Variants in BMPR2 observed in about 807,000 individuals in gnomAD.
BMPR2 encodes the protein bone morphogenetic protein receptor type 2.
A neutral mutation model predicts 100.8 loss-of-function variants in BMPR2; 29 were observed. The observed-to-expected ratio is 0.29, with a 90% CI of 0.21 to 0.39. BMPR2 has a LOEUF of 0.39. Ranked by LOEUF, BMPR2 falls within the 10% of genes least tolerant of loss-of-function variation. The pLI is 1.00. For missense variants in BMPR2, 1,011 were observed against 1,274.5 expected, an observed-to-expected ratio of 0.79 and a Z score of 3.15; for synonymous variants, 382 against 442.3, an observed-to-expected ratio of 0.86 and a Z score of 1.71.
At chr2:202,492,980 C>T (rs1477879326) in intron 3 of BMPR2, among the ~76,000 whole-genome samples, 1 of 152,104 alleles carries the variant, frequency 6.6e-6, no homozygotes, top group Admixed American at 6.6e-5. Flanking sequence ...GAAGATACAG[C>T]TTTCACTTTG....
chr2:202,388,125 G>A (rs1690467585), intron 1 of BMPR2, among the ~76,000 whole-genome samples: 2 of 151,862 alleles, frequency 1.3e-5, no homozygotes, highest in Non-Finnish European at 2.9e-5. Flanking sequence ...TGGCTGTCAC[G>A]GTGGCTCATG....
At chr2:202,463,605 C>T (rs1692263078) in intron 1 of BMPR2, among the ~76,000 whole-genome samples, 1 of 152,138 alleles carries the variant, frequency 6.6e-6, no homozygotes, top group Admixed American at 6.5e-5. Context: ...TAATCAAACA[C>T]ATTAGGAAAG....
intron 9 of BMPR2, among the ~76,000 whole-genome samples, chr2:202,536,886 A>C (rs913794377): frequency 2.6e-5 from 4 of 151,824 alleles, no homozygotes; most frequent in African/African-American, 4.8e-5. Flanking sequence ...AAAAAAAAAA[A>C]AAAAGAAGTA....
chr2:202,461,423 G>T (rs1318278523), intron 1 of BMPR2, among the ~76,000 whole-genome samples: 1 of 152,162 alleles, frequency 6.6e-6, no homozygotes, highest in African/African-American at 2.4e-5. Flanking sequence ...GACGGAGGTT[G>T]CAGTGAGTCG....
intron 7 of BMPR2, among the ~76,000 whole-genome samples, chr2:202,529,341 C>T: frequency 6.6e-6 from 1 of 152,194 alleles, no homozygotes; most frequent in East Asian, 1.9e-4. Flanking sequence ...ATGTTCCACC[C>T]TCCCTCCATA....
At chr2:202,538,077 G>A (rs777740169) in intron 9 of BMPR2, among the ~76,000 whole-genome samples, 6 of 152,052 alleles carry the variant, frequency 3.9e-5, no homozygotes, top group Non-Finnish European at 7.4e-5. Flanking sequence ...AGCCGAGATC[G>A]CGCCACTGCA....
intron 1 of BMPR2, among the ~76,000 whole-genome samples, chr2:202,397,687 A>G (rs1257152479): frequency 6.6e-6 from 1 of 151,512 alleles, no homozygotes; most frequent in African/African-American, 2.4e-5. Flanking sequence ...TTTTTTAGAG[A>G]CAGGGTCTCA....
intron 1 of BMPR2, among the ~76,000 whole-genome samples, chr2:202,450,546 C>A (rs1004451596): frequency 6.6e-6 from 1 of 151,974 alleles, no homozygotes; most frequent in East Asian, 1.9e-4. Context: ...ACAAAATTAG[C>A]CGGGCATGGT....
At chr2:202,450,488 T>A (rs1691956318) in intron 1 of BMPR2, among the ~76,000 whole-genome samples, 1 of 151,828 alleles carries the variant, frequency 6.6e-6, no homozygotes, top group South Asian at 2.1e-4. Flanking sequence ...GGTTGGGAGG[T>A]TGAGACCAGC....
intron 1 of BMPR2, among the ~76,000 whole-genome samples, chr2:202,421,255 AAAG>A (rs1691256194): frequency 6.6e-6 from 1 of 150,936 alleles, no homozygotes; most frequent in South Asian, 2.1e-4. Flanking sequence ...CATCTCAAAA[AAAG>A]GGAGAAATTA....
intron 3 of BMPR2, among the ~76,000 whole-genome samples, chr2:202,488,051 C>A (rs1465184638): frequency 1.3e-5 from 2 of 152,144 alleles, no homozygotes; most frequent in Non-Finnish European, 2.9e-5. Context: ...ATTAGTGCTC[C>A]CCATCATGTA....
At chr2:202,434,697 C>A (rs1038871242) in intron 1 of BMPR2, among the ~76,000 whole-genome samples, 2 of 147,964 alleles carry the variant, frequency 1.4e-5, no homozygotes, top group African/African-American at 2.6e-5. Context: ...AATCTTGGCT[C>A]ACTGCAACCT....
At chr2:202,430,484 T>A (rs573959310) in intron 1 of BMPR2, among the ~76,000 whole-genome samples, 1 of 152,310 alleles carries the variant, frequency 6.6e-6, no homozygotes, top group Non-Finnish European at 1.5e-5. Flanking sequence ...GCTAAGTTAA[T>A]TGCATTATAG....
chr2:202,403,308 T>G (rs1057501628), intron 1 of BMPR2, among the ~76,000 whole-genome samples: 1 of 151,490 alleles, frequency 6.6e-6, no homozygotes, highest in Non-Finnish European at 1.5e-5. Flanking sequence ...CAAGCAATTC[T>G]CCTGCCTCAG....
chr2:202,537,765 G>C (rs1688189776), intron 9 of BMPR2, among the ~76,000 whole-genome samples: 1 of 152,160 alleles, frequency 6.6e-6, no homozygotes, highest in Admixed American at 6.5e-5. Context: ...ATGGAAATGG[G>C]GAGAGGCAAA....
chr2:202,553,487 C>G (rs900986427), intron 11 of BMPR2, among the ~76,000 whole-genome samples: 3 of 152,084 alleles, frequency 2.0e-5, no homozygotes, highest in African/African-American at 7.2e-5. Context: ...TTTAAAAATT[C>G]CTACAATTTG....
chr2:202,405,638 A>G (rs1032008931), intron 1 of BMPR2, among the ~76,000 whole-genome samples: 2 of 150,006 alleles, frequency 1.3e-5, no homozygotes, highest in Non-Finnish European at 1.5e-5. Flanking sequence ...CAGTGAGCCA[A>G]GATCAAGCCA....
At chr2:202,465,313 G>A (rs1167355275) in intron 2 of BMPR2, among the ~76,000 whole-genome samples, 1 of 151,888 alleles carries the variant, frequency 6.6e-6, no homozygotes, top group Non-Finnish European at 1.5e-5. Flanking sequence ...CACTGAACCT[G>A]GAAGGCAGAG....
chr2:202,440,249 G>A (rs1347448691), intron 1 of BMPR2, among the ~76,000 whole-genome samples: 1 of 150,638 alleles, frequency 6.6e-6, no homozygotes, highest in Non-Finnish European at 1.5e-5. Flanking sequence ...CTCCCAGACG[G>A]GGTGGCGGCC....
Sources: gnomAD v4.1 joint callset for allele counts (sites outside exome capture counted in the v4.1 genomes callset) on GRCh38, gnomAD v4.1.1 for gene constraint, MANE v1.5 for transcripts, NCBI Gene and HGNC (gene_info 2026-07-23, HGNC 2026-07-21) for gene names.